TSHR: variants seen among roughly 807,000 people sequenced by gnomAD.
TSHR encodes thyroid stimulating hormone receptor.
In TSHR, 51 loss-of-function variants were observed where a neutral mutation model predicts 64.1. That is an observed-to-expected ratio of 0.80 (90% CI 0.64 to 1.01). TSHR has a LOEUF of 1.01. Ranked by LOEUF, TSHR falls within the 50% of genes least tolerant of loss-of-function variation. The pLI is 0.00. For missense variants in TSHR, 877 were observed against 942.8 expected (o/e 0.93, Z 0.91); for synonymous variants, 361 against 361.9 (o/e 1.00, Z 0.03).
At chr14:81,088,123 C>T (rs776148155) in intron 4 of TSHR, 95 bp downstream of exon 4, 55 of 1,023,472 alleles carry the variant, frequency 5.4e-5, no homozygotes, top group Non-Finnish European at 8.1e-5. Context: ...ATGATGTGGT[C>T]CAGGTTCATT....
intron 8 of TSHR, among the ~76,000 whole-genome samples, chr14:81,121,436 A>T (rs1890787421): frequency 6.6e-6 from 1 of 152,218 alleles, no homozygotes; most frequent in African/African-American, 2.4e-5. Flanking sequence ...TCACATGCAA[A>T]ATCTCAAAAC....
chr14:81,136,897 T>A (rs1891477532), intron 8 of TSHR, among the ~76,000 whole-genome samples: 1 of 152,194 alleles, frequency 6.6e-6, no homozygotes, highest in South Asian at 2.1e-4. Flanking sequence ...GGAGACTTAC[T>A]GCACCTGGAT....
chr14:81,094,678 A>ATTTTTTTTTTTTT (rs1889012799), intron 6 of TSHR, among the ~76,000 whole-genome samples: 1 of 78,524 alleles, frequency 1.3e-5, no homozygotes, highest in Admixed American at 1.6e-4. Flanking sequence ...TTATTTTTTT[A>ATTTTTTTTTTTTT]ATTTTTTTTT....
chr14:81,133,887 C>T (rs1891347990), intron 8 of TSHR, among the ~76,000 whole-genome samples: 1 of 152,080 alleles, frequency 6.6e-6, no homozygotes, highest in Non-Finnish European at 1.5e-5. Context: ...CACATTTCAT[C>T]CCTATCACTA....
intron 1 of TSHR, among the ~76,000 whole-genome samples, chr14:81,034,754 G>A (rs1261398198): frequency 2.0e-5 from 3 of 152,122 alleles, no homozygotes; most frequent in Admixed American, 6.5e-5. Flanking sequence ...TGGGGTTTGC[G>A]AAAATTGTCC....
At position 81,102,724 on chromosome 14, in the gene TSHR, G is replaced by A. The variant is rs372382079; in HGVS notation, c.615-5651G>A. ...CTTTATTTACAAAAACAAGGGCAAG[G>A]TAGGATTTGACTGGAGGGTCATAGT... On this transcript the variant is annotated intron_variant, in intron 7 of 9. Coordinates refer to ENST00000298171, the MANE Select transcript of TSHR (RefSeq NM_000369.5). 19 of 893,726 alleles carry A rather than the reference G, an allele frequency of 2.1e-5. No homozygotes were observed. The East Asian group carries it at 6.0e-4, about 28-fold the overall frequency. 55.4% of individuals were successfully genotyped at this position (893,726 alleles called of 1,614,324 possible).
chr14:81,055,388 C>A (rs1263472673), intron 1 of TSHR, among the ~76,000 whole-genome samples: 1 of 152,224 alleles, frequency 6.6e-6, no homozygotes, highest in Non-Finnish European at 1.5e-5. Flanking sequence ...GGCACCCCCA[C>A]ACAGAGTCCT....
chr14:81,037,589 C>G (rs536276910), intron 1 of TSHR, among the ~76,000 whole-genome samples: 41 of 152,042 alleles, frequency 2.7e-4, no homozygotes, highest in African/African-American at 9.2e-4. Context: ...TATATGCTAC[C>G]TACAAGAGAT....
intron 1 of TSHR, among the ~76,000 whole-genome samples, chr14:81,043,331 T>A (rs1307052754): frequency 1.3e-5 from 2 of 152,038 alleles, no homozygotes; most frequent in African/African-American, 2.4e-5. Flanking sequence ...TGAACTCCCA[T>A]TCACAACTGC....
In TSHR at chr14:81,025,604, G is replaced by A. The variant is rs563018659; in HGVS notation, c.171-36544G>A. ...TATAATAGACAATACATTAAACTGG[G>A]AGCCCAGAAACTTTGGTTCTAGGAT... On this transcript the variant is annotated intron_variant, in intron 1 of 9. Transcript: ENST00000298171. Among the ~76,000 whole-genome samples the A allele has an allele frequency of 1.5e-3, 221 of 152,252 alleles. 1 individual carries two copies. Among genetic ancestry groups the A allele is most frequent in the African/African-American group, 5.2e-3 (215 of 41,554 alleles).
chr14:81,052,439 G>T (rs956922787), intron 1 of TSHR: 4 of 152,106 alleles, frequency 2.6e-5, no homozygotes, highest in Non-Finnish European at 4.4e-5. Flanking sequence ...TGCAGTTTTG[G>T]TTACTATAAC....
chr14:81,128,637 T>C (rs376235181), intron 8 of TSHR, among the ~76,000 whole-genome samples: 10 of 152,272 alleles, frequency 6.6e-5, no homozygotes, highest in East Asian at 3.9e-4. Context: ...CTCCTATTTC[T>C]TTCCTCCTCA....
Position 81,106,818 on chromosome 14 carries a change from G to A in TSHR, c.615-1557G>A, listed in dbSNP as rs182012976. On this transcript the variant is annotated intron_variant, in intron 7 of 9. Coordinates refer to ENST00000298171, the MANE Select transcript of TSHR (RefSeq NM_000369.5). ...AAATTAGTCAGGCATGATGGCGATCGCCTGTAGTCCCAGTTACTCAGGAGG... is the reference window on the plus strand; with the variant it reads ...AAATTAGTCAGGCATGATGGCGATCACCTGTAGTCCCAGTTACTCAGGAGG... 9.9e-4 allele frequency among the ~76,000 whole-genome samples: 150 copies of A among 151,656 alleles called. 1 individual carries two copies. The highest frequency in any genetic ancestry group is 1.9e-3 in the Non-Finnish European group (127 of 67,924).
chr14:80,987,603 G>A lies in TSHR; in HGVS notation c.170+31753G>A, dbSNP rs79654013. The stretch of plus-strand genomic sequence containing the variant: ...TCCATCAGGTCACGCAGCTCTGAAA[G>A]CTCTCTATTGCCCCCTTCTGGTAGC... On this transcript the variant is annotated intron_variant, in intron 1 of 9. Coordinates refer to ENST00000298171, the MANE Select transcript of TSHR (RefSeq NM_000369.5). Among the ~76,000 whole-genome samples the A allele has an allele frequency of 5.1e-3, 769 of 152,252 alleles. 4 individuals carry two copies. Among genetic ancestry groups the A allele is most frequent in the African/African-American group, 0.018 (729 of 41,550 alleles).
chr14:81,047,664 C>CTTTTTTTTTTT (rs11462189), intron 1 of TSHR, among the ~76,000 whole-genome samples: 2 of 135,502 alleles, frequency 1.5e-5, no homozygotes, highest in African/African-American at 5.5e-5. Flanking sequence ...TTCATTGGCT[C>CTTTTTTTTTTT]TTTTTTTTTT....
At chr14:81,085,225 T>C (rs1401075732) in intron 3 of TSHR, among the ~76,000 whole-genome samples, 1 of 152,104 alleles carries the variant, frequency 6.6e-6, no homozygotes, top group Non-Finnish European at 1.5e-5. Context: ...GCCTCCCACC[T>C]GTCTCGGCCT....
rs367866466 is a variant in TSHR at position 81,143,909 on chromosome 14, C to A, written c.1851C>A (p.Asp617Glu). ...GAAATCCGCAGTACAACCCAGGGGA[C>A]AAAGATACCAAAATTGCCAAGAGGA... ...TVRNPQYNPG[D>E]KDTKIAKRMA... Residue 617 changes from aspartate (D) to glutamate (E), a missense_variant, in exon 10 of 10, where the codon GAC (aspartate) becomes GAA (glutamate). Asp to Glu is a conservative substitution (Grantham distance 45). Transcript: ENST00000298171. 10 of 1,614,050 alleles carry A rather than the reference C, an allele frequency of 6.2e-6. No homozygotes were observed. The highest frequency in any genetic ancestry group is 8.5e-6 in the Non-Finnish European group (10 of 1,180,044).
At position 81,006,672 on chromosome 14, in the gene TSHR, C is replaced by T. The variant is rs144871723; in HGVS notation, c.170+50822C>T. 1.9e-3 allele frequency among the ~76,000 whole-genome samples: 282 copies of T among 152,196 alleles called. 1 individual carries two copies. The highest frequency in any genetic ancestry group is 3.2e-3 in the Non-Finnish European group (218 of 68,032). On this transcript the variant is annotated intron_variant, in intron 1 of 9. Coordinates refer to ENST00000298171, the MANE Select transcript of TSHR (RefSeq NM_000369.5). The stretch of plus-strand genomic sequence containing the variant: ...GGATTACAGGCACACACCACCATGC[C>T]CAGCTAATTTTTGTATTTTTTTAGT...
At chr14:80,967,186 G>GTATA (rs3038162) in intron 1 of TSHR, among the ~76,000 whole-genome samples, 8 of 144,140 alleles carry the variant, frequency 5.6e-5, no homozygotes, top group African/African-American at 1.5e-4. Flanking sequence ...ATATGTATGT[G>GTATA]TATATATATA....
Sources: allele counts gnomAD v4.1 joint callset (sites outside exome capture counted in the v4.1 genomes callset), GRCh38; gene constraint gnomAD v4.1.1; transcripts MANE v1.5; gene names NCBI Gene and HGNC (gene_info 2026-07-23, HGNC 2026-07-21).